Variants in BAZ2B observed in about 807,000 individuals in gnomAD.
BAZ2B encodes bromodomain adjacent to zinc finger domain protein 2B.
A neutral mutation model predicts 246.0 loss-of-function variants in BAZ2B; 91 were observed. The observed-to-expected ratio is 0.37, with a 90% confidence interval of 0.31 to 0.44. The LOEUF is 0.44. BAZ2B is among the 20% of genes least tolerant of loss of function. The pLI, the probability that BAZ2B is intolerant of heterozygous loss-of-function variation, is 1.00. For synonymous variants in BAZ2B, 855 were observed against 860.0 expected (o/e 0.99, Z 0.10); for missense variants, 2,332 against 2,533.7 (o/e 0.92, Z 1.71).
At chr2:159,338,893 A>C (rs2066122766) in intron 31 of BAZ2B, among the ~76,000 whole-genome samples, 1 of 152,170 alleles carries the variant, frequency 6.6e-6, no homozygotes, top group African/African-American at 2.4e-5. Flanking sequence ...TGTTCTCAAC[A>C]ATCAGCTACT....
chr2:159,662,877 T>A, the BAZ2B span, among the ~76,000 whole-genome samples: 1 of 152,170 alleles, frequency 6.6e-6, no homozygotes, highest in Non-Finnish European at 1.5e-5. Flanking sequence ...TGTGAATTAG[T>A]ATCTTATTGT....
At chr2:159,456,651 T>C (rs764209793) in intron 3 of BAZ2B, among the ~76,000 whole-genome samples, 3 of 151,916 alleles carry the variant, frequency 2.0e-5, no homozygotes, top group Non-Finnish European at 4.4e-5. Flanking sequence ...GAGATGGGAG[T>C]TCAGATCAAG....
chr2:159,490,409 C>T (rs554024416), intron 2 of BAZ2B, among the ~76,000 whole-genome samples: 9 of 152,278 alleles, frequency 5.9e-5, no homozygotes, highest in Non-Finnish European at 1.0e-4. Flanking sequence ...CCCATCTAAC[C>T]TAAACCAAAT....
chr2:159,392,618 T>TA (rs5835744), intron 20 of BAZ2B, among the ~76,000 whole-genome samples: 1,670 of 152,272 alleles, frequency 0.011, 26 homozygotes, highest in East Asian at 0.062. Context: ...CTTGAGCCTG[T>TA]ATCAGTCCAA....
At chr2:159,390,459 C>T (rs975855244) in intron 20 of BAZ2B, among the ~76,000 whole-genome samples, 3 of 152,254 alleles carry the variant, frequency 2.0e-5, no homozygotes, top group Non-Finnish European at 4.4e-5. Flanking sequence ...TAATTAAACA[C>T]TACCAATTTC....
At chr2:159,371,893 G>A (rs892623928) in intron 27 of BAZ2B, among the ~76,000 whole-genome samples, 1 of 152,150 alleles carries the variant, frequency 6.6e-6, no homozygotes, top group Admixed American at 6.5e-5. Flanking sequence ...TATTAGAGAT[G>A]CCTCTGGGAT....
chr2:159,315,681 T>C (rs925079421), downstream of BAZ2B, among the ~76,000 whole-genome samples: 1 of 152,192 alleles, frequency 6.6e-6, no homozygotes, highest in Non-Finnish European at 1.5e-5. Flanking sequence ...CCATATTAGG[T>C]TGGTCACAAA....
chr2:159,345,841 G>A (rs948648066), intron 31 of BAZ2B, among the ~76,000 whole-genome samples: 1 of 152,210 alleles, frequency 6.6e-6, no homozygotes, highest in Non-Finnish European at 1.5e-5. Context: ...TAGGTTAGGT[G>A]CAAAACCTCT....
At chr2:159,660,404 G>C in the BAZ2B span, among the ~76,000 whole-genome samples, 4 of 152,106 alleles carry the variant, frequency 2.6e-5, no homozygotes, top group Non-Finnish European at 5.9e-5. Context: ...TGGCCATTAT[G>C]ATGCTGCATG....
intron 33 of BAZ2B, 33 bp from the exon 34 acceptor site, chr2:159,332,719 G>A (rs139171947): frequency 1.1e-3 from 1,780 of 1,607,032 alleles, no homozygotes; most frequent in Admixed American, 3.3e-3. Flanking sequence ...TAAAATTAAC[G>A]CTCTGCCATG....
At chr2:159,638,732 A>T in the BAZ2B span, among the ~76,000 whole-genome samples, 1 of 152,102 alleles carries the variant, frequency 6.6e-6, no homozygotes, top group Non-Finnish European at 1.5e-5. Flanking sequence ...ATAAAAATAC[A>T]ATGAGGCATG....
At chr2:159,325,597 T>C (rs891665489) in intron 35 of BAZ2B, 56 bp downstream of exon 35, 2 of 1,525,140 alleles carry the variant, frequency 1.3e-6, no homozygotes, top group Non-Finnish European at 8.8e-7. Context: ...AAAAGGTTTC[T>C]AAACAAATAA....
At chr2:159,539,443 G>T (rs1027403352) in intron 2 of BAZ2B, among the ~76,000 whole-genome samples, 7 of 152,168 alleles carry the variant, frequency 4.6e-5, no homozygotes, top group Non-Finnish European at 5.9e-5. Context: ...ACAGCATAAA[G>T]AATTTATAAT....
the BAZ2B span, among the ~76,000 whole-genome samples, chr2:159,663,508 C>T: frequency 6.7e-5 from 9 of 134,722 alleles, no homozygotes; most frequent in African/African-American, 2.1e-4. Flanking sequence ...CAGCCTGTTG[C>T]TAATGTTTTT....
intron 25 of BAZ2B, among the ~76,000 whole-genome samples, chr2:159,375,356 T>C (rs943146497): frequency 2.0e-5 from 3 of 152,208 alleles, no homozygotes; most frequent in African/African-American, 4.8e-5. Flanking sequence ...AGGGAGGCTT[T>C]ATGAAGAAGT....
chr2:159,411,779 G>A (rs1343714683), intron 14 of BAZ2B: 1 of 219,722 alleles, frequency 4.6e-6, no homozygotes, highest in African/African-American at 2.3e-5. Context: ...CTTTGAGCTT[G>A]ATAAATGATA....
intron 31 of BAZ2B, among the ~76,000 whole-genome samples, chr2:159,345,940 T>C (rs1335152193): frequency 6.6e-6 from 1 of 152,228 alleles, no homozygotes; most frequent in Non-Finnish European, 1.5e-5. Context: ...AGGCTTTTTA[T>C]TTTCAATTTA....
chr2:159,476,408 T>C (rs1353152883), intron 3 of BAZ2B, among the ~76,000 whole-genome samples: 1 of 152,198 alleles, frequency 6.6e-6, no homozygotes, highest in African/African-American at 2.4e-5. Context: ...TACTCTTTTT[T>C]ACTAGTAGCA....
intron 3 of BAZ2B, among the ~76,000 whole-genome samples, chr2:159,477,134 T>C (rs2150904955): frequency 6.6e-6 from 1 of 152,090 alleles, no homozygotes; most frequent in South Asian, 2.1e-4. Context: ...TGAAACCCCG[T>C]CTCTACTAAA....
Sources: allele counts gnomAD v4.1 joint callset (sites outside exome capture counted in the v4.1 genomes callset), GRCh38; gene constraint gnomAD v4.1.1; transcripts MANE v1.5; gene names NCBI Gene and HGNC (gene_info 2026-07-23, HGNC 2026-07-21).